The following NDST4 variants were observed in gnomAD, a reference collection of about 807,000 sequenced individuals.
NDST4 encodes N-heparan sulfate sulfotransferase 4.
Under a neutral mutation model 100.8 loss-of-function variants are expected in NDST4, and 63 were observed. The observed-to-expected ratio is 0.62, with a 90% CI of 0.51 to 0.77. NDST4 has a LOEUF of 0.77. Among genes scored for constraint, NDST4 ranks in the 30% least tolerant of loss-of-function variants. The pLI, the probability that NDST4 is intolerant of heterozygous loss-of-function variation, is 0.00. For missense variants in NDST4, 943 were observed against 1,018.4 expected, an observed-to-expected ratio of 0.93 and a Z score of 1.01; for synonymous variants, 377 against 361.8, an observed-to-expected ratio of 1.04 and a Z score of -0.48.
At chr4:114,950,334 T>C (rs769282336) in intron 4 of NDST4, among the ~76,000 whole-genome samples, 69 of 152,056 alleles carry the variant, frequency 4.5e-4, no homozygotes, top group Admixed American at 1.2e-3. Context: ...ATAAATTTCA[T>C]ATTTCTAAGG....
At chr4:115,089,056 A>G (rs1729461827) in intron 1 of NDST4, among the ~76,000 whole-genome samples, 2 of 152,078 alleles carry the variant, frequency 1.3e-5, no homozygotes, top group Non-Finnish European at 2.9e-5. Context: ...TTTAATGCAC[A>G]AAACAATTAT....
intron 4 of NDST4, among the ~76,000 whole-genome samples, chr4:114,961,074 G>T (rs1275797998): frequency 6.6e-6 from 1 of 151,954 alleles, no homozygotes; most frequent in Admixed American, 6.6e-5. Context: ...AAGATTCTGA[G>T]AAGTTAAAAT....
chr4:114,829,489 T>G (rs534149255), intron 13 of NDST4, among the ~76,000 whole-genome samples: 1 of 152,316 alleles, frequency 6.6e-6, no homozygotes, highest in South Asian at 2.1e-4. Context: ...ACTTGTTTAG[T>G]AAACTATTTA....
At chr4:115,067,797 G>A (rs981619410) in intron 2 of NDST4, among the ~76,000 whole-genome samples, 23 of 151,622 alleles carry the variant, frequency 1.5e-4, no homozygotes, top group Non-Finnish European at 1.5e-5. Flanking sequence ...ACAACGTGCA[G>A]GTTTGTCACA....
chr4:115,048,393 C>T (rs1309423357), intron 2 of NDST4, among the ~76,000 whole-genome samples: 1 of 151,978 alleles, frequency 6.6e-6, no homozygotes, highest in Non-Finnish European at 1.5e-5. Context: ...TGAAAATATA[C>T]ACTTATTGAA....
In NDST4 at chr4:114,897,833, A is replaced by C. The variant is rs571734303; in HGVS notation, c.1537-26883T>G. Among the ~76,000 whole-genome samples, 6 of 152,264 alleles carry C rather than the reference A, an allele frequency of 3.9e-5. 1 individual carries two copies. Among genetic ancestry groups the C allele is most frequent in the African/African-American group, 1.2e-4 (5 of 41,554 alleles). On this transcript the variant is annotated intron_variant, in intron 6 of 13. Transcript: ENST00000264363. ...ATGACATGATGTGGAACGTTTCTTC[A>C]TATTCTTATTTGCCATCTGTATATC...
At chr4:114,864,538 A>G (rs1176467838) in intron 7 of NDST4, among the ~76,000 whole-genome samples, 4 of 152,156 alleles carry the variant, frequency 2.6e-5, no homozygotes, top group Non-Finnish European at 5.9e-5. Context: ...ATCCATGTAC[A>G]CTGATGAGGA....
chr4:114,921,567 C>T (rs941258401), intron 6 of NDST4, among the ~76,000 whole-genome samples: 2 of 151,750 alleles, frequency 1.3e-5, no homozygotes, highest in African/African-American at 2.4e-5. Context: ...ATTTTTTGTC[C>T]AAAAAATAAA....
chr4:114,877,639 G>A lies in NDST4; in HGVS notation c.1537-6689C>T, dbSNP rs570344721. 3.2e-3 allele frequency among the ~76,000 whole-genome samples: 487 copies of A among 152,212 alleles called. 1 individual carries two copies. Among genetic ancestry groups the A allele is most frequent in the Non-Finnish European group, 5.1e-3 (345 of 67,994 alleles). Reference sequence around the variant, plus strand: ...GGTAGATGTTTCAAGATTTATTCCTGTAAGAACTACACTTAGAAGGAGAAA... The same window carrying A: ...GGTAGATGTTTCAAGATTTATTCCTATAAGAACTACACTTAGAAGGAGAAA... On this transcript the variant is annotated intron_variant, in intron 6 of 13. Coordinates refer to ENST00000264363, the MANE Select transcript of NDST4 (RefSeq NM_022569.3).
At chr4:114,923,588 A>G (rs1450376043) in intron 6 of NDST4, among the ~76,000 whole-genome samples, 1 of 152,098 alleles carries the variant, frequency 6.6e-6, no homozygotes, top group Non-Finnish European at 1.5e-5. Context: ...TCACCAACTC[A>G]TTAGTCATAT....
chr4:114,901,192 T>C (rs796294164), intron 6 of NDST4, among the ~76,000 whole-genome samples: 3 of 152,054 alleles, frequency 2.0e-5, no homozygotes, highest in African/African-American at 7.2e-5. Context: ...AGCTCAACTA[T>C]GTCTTTACTG....
intron 7 of NDST4, among the ~76,000 whole-genome samples, chr4:114,862,735 C>A (rs1415517664): frequency 2.0e-5 from 3 of 152,066 alleles, no homozygotes; most frequent in African/African-American, 7.2e-5. Flanking sequence ...GTCGTTGTCT[C>A]CAACACAGAG....
At chr4:114,929,254 A>G (rs75301624) in intron 6 of NDST4, among the ~76,000 whole-genome samples, 197 of 151,992 alleles carry the variant, frequency 1.3e-3, no homozygotes, top group Admixed American at 2.1e-3. Context: ...AGTAAGCTCC[A>G]TTTGGCCTGG....
intron 2 of NDST4, among the ~76,000 whole-genome samples, chr4:115,037,283 G>A (rs1409690090): frequency 6.6e-6 from 1 of 152,090 alleles, no homozygotes; most frequent in Non-Finnish European, 1.5e-5. Flanking sequence ...CAAGGTAAAT[G>A]AGCAAAATGT....
At chr4:114,962,394 A>T (rs1017050275) in intron 4 of NDST4, among the ~76,000 whole-genome samples, 4 of 152,060 alleles carry the variant, frequency 2.6e-5, no homozygotes, top group Non-Finnish European at 4.4e-5. Context: ...ACATAATCTT[A>T]TACATAGACA....
intron 4 of NDST4, among the ~76,000 whole-genome samples, chr4:114,947,365 AGC>A (rs1038898299): frequency 6.6e-5 from 10 of 152,204 alleles, no homozygotes; most frequent in Non-Finnish European, 1.5e-4. Flanking sequence ...GAGGAAAGCA[AGC>A]GCCCAAGAAG....
At chr4:114,905,832 G>A (rs1282826745) in intron 6 of NDST4, among the ~76,000 whole-genome samples, 2 of 151,910 alleles carry the variant, frequency 1.3e-5, no homozygotes, top group Non-Finnish European at 2.9e-5. Context: ...TACCTTAAAG[G>A]TTTGTTTCTG....
chr4:114,861,793 G>A (rs1405996246), intron 7 of NDST4, among the ~76,000 whole-genome samples: 1 of 151,706 alleles, frequency 6.6e-6, no homozygotes, highest in East Asian at 1.9e-4. Flanking sequence ...AACTCATAAA[G>A]CCAATAGTTT....
intron 7 of NDST4, among the ~76,000 whole-genome samples, chr4:114,863,003 T>TC (rs1272851747): frequency 6.6e-6 from 1 of 152,190 alleles, no homozygotes; most frequent in African/African-American, 2.4e-5. Flanking sequence ...ATTTCTGTTT[T>TC]CACCTCTTTT....
Sources: allele counts gnomAD v4.1 joint callset (sites outside exome capture counted in the v4.1 genomes callset), GRCh38; gene constraint gnomAD v4.1.1; transcripts MANE v1.5; gene names NCBI Gene and HGNC (gene_info 2026-07-23, HGNC 2026-07-21).